The following KIAA1217 variants were observed in gnomAD, a reference collection of about 807,000 sequenced individuals.
KIAA1217 encodes sickle tail protein homolog.
KIAA1217 carries 88 observed loss-of-function variants against 163.9 expected under a neutral mutation model. The ratio of observed to expected loss-of-function variants is 0.54; its 90% CI spans 0.45 to 0.64. The LOEUF is 0.64. Among genes scored for constraint, KIAA1217 ranks in the 30% least tolerant of loss-of-function variants. The pLI is 0.00. For missense variants in KIAA1217, 2,372 were observed against 2,475.0 expected (o/e 0.96, Z 0.88); for synonymous variants, 903 against 923.1 (o/e 0.98, Z 0.39).
At chr10:23,730,281 A>G (rs929983407) in intron 1 of KIAA1217, among the ~76,000 whole-genome samples, 1 of 152,118 alleles carries the variant, frequency 6.6e-6, no homozygotes, top group South Asian at 2.1e-4. Context: ...CAGTTGTTTC[A>G]GCACCATTTG....
intron 8 of KIAA1217, among the ~76,000 whole-genome samples, chr10:24,495,927 G>A (rs1438945660): frequency 6.6e-6 from 1 of 152,206 alleles, no homozygotes; most frequent in Admixed American, 6.5e-5. Flanking sequence ...GTTAGTAGTG[G>A]CGTTCACTAG....
At chr10:24,142,759 A>G (rs1214385243) in intron 2 of KIAA1217, among the ~76,000 whole-genome samples, 1 of 152,220 alleles carries the variant, frequency 6.6e-6, no homozygotes, top group African/African-American at 2.4e-5. Flanking sequence ...CCTTGGAGTC[A>G]TGTGACCAAG....
intron 20 of KIAA1217, 177 bp from the exon 21 acceptor site, chr10:24,545,650 A>G (rs2075659649): frequency 1.4e-6 from 2 of 1,423,282 alleles, no homozygotes; most frequent in Non-Finnish European, 1.8e-6. Context: ...TGCTATGTAC[A>G]TGGGGGGTTT....
intron 3 of KIAA1217, among the ~76,000 whole-genome samples, chr10:24,416,746 T>A (rs2058285298): frequency 6.6e-6 from 1 of 152,028 alleles, no homozygotes; most frequent in Non-Finnish European, 1.5e-5. Context: ...CTCCTCTTCA[T>A]CCTCCCTCCA....
intron 1 of KIAA1217, among the ~76,000 whole-genome samples, chr10:23,972,330 C>T (rs1195356002): frequency 6.6e-6 from 1 of 152,156 alleles, no homozygotes; most frequent in Admixed American, 6.5e-5. Flanking sequence ...TATTGCAGCA[C>T]TATTTACAAT....
At chr10:24,331,800 TTTTA>T (rs1479167307) in intron 2 of KIAA1217, among the ~76,000 whole-genome samples, 1 of 151,990 alleles carries the variant, frequency 6.6e-6, no homozygotes, top group Non-Finnish European at 1.5e-5. Context: ...AGGGAGTTGG[TTTTA>T]TTTATTTATT....
chr10:23,705,820 G>T (rs1461492244), intron 1 of KIAA1217, among the ~76,000 whole-genome samples: 1 of 152,134 alleles, frequency 6.6e-6, no homozygotes, highest in Non-Finnish European at 1.5e-5. Flanking sequence ...GTTGTGGTAG[G>T]AATGGTGTTT....
chr10:24,253,349 A>C (rs536682718), intron 2 of KIAA1217, among the ~76,000 whole-genome samples: 2 of 152,320 alleles, frequency 1.3e-5, no homozygotes, highest in Admixed American at 6.5e-5. Flanking sequence ...TGGCTGTCTC[A>C]GAGAAGCACT....
chr10:24,337,215 T>C (rs1053987435), intron 2 of KIAA1217, among the ~76,000 whole-genome samples: 6 of 152,222 alleles, frequency 3.9e-5, no homozygotes, highest in African/African-American at 1.4e-4. Flanking sequence ...AATTCAACTG[T>C]AACAAGTTTT....
intron 2 of KIAA1217, among the ~76,000 whole-genome samples, chr10:24,339,343 A>T (rs1037981217): frequency 4.6e-5 from 7 of 152,246 alleles, no homozygotes; most frequent in African/African-American, 1.4e-4. Context: ...ATAGATCTTC[A>T]TTAATAGTTC....
At chr10:23,952,942 A>G (rs1844405041) in intron 1 of KIAA1217, among the ~76,000 whole-genome samples, 1 of 152,186 alleles carries the variant, frequency 6.6e-6, no homozygotes, top group African/African-American at 2.4e-5. Context: ...TAACACTTGG[A>G]CTGCATTCAT....
rs867359331 is a variant in KIAA1217, at chr10:24,222,745, G to A, written c.354+2836G>A. ...GGCTGGTCTCGAACTCCTGACCTCA[G>A]GCGATCCACCTACCTCGGCCTCCCA... On this transcript the variant is annotated intron_variant, in intron 2 of 20. Transcript: ENST00000376454. Among the ~76,000 whole-genome samples, 9 of 152,190 alleles carry A rather than the reference G, an allele frequency of 5.9e-5. 1 individual carries two copies. Among genetic ancestry groups the A allele is most frequent in the Middle Eastern group, 3.4e-3 (1 of 294 alleles).
intron 1 of KIAA1217, among the ~76,000 whole-genome samples, chr10:23,888,587 G>A (rs945354578): frequency 6.6e-6 from 1 of 151,646 alleles, no homozygotes; most frequent in African/African-American, 2.4e-5. Flanking sequence ...ATGAGATTGA[G>A]GAGACTGCTT....
intron 3 of KIAA1217, among the ~76,000 whole-genome samples, chr10:24,387,941 G>T (rs1438782497): frequency 1.3e-5 from 2 of 152,140 alleles, no homozygotes; most frequent in African/African-American, 2.4e-5. Flanking sequence ...CATGCTCATG[G>T]ATAGGAAGAG....
intron 3 of KIAA1217, among the ~76,000 whole-genome samples, chr10:24,408,627 A>T (rs2057455593): frequency 6.6e-6 from 1 of 152,076 alleles, no homozygotes; most frequent in African/African-American, 2.4e-5. Flanking sequence ...TTCTTTAATA[A>T]CCTAGTTTAT....
At chr10:24,476,960 C>T (rs2064120700) in intron 6 of KIAA1217, among the ~76,000 whole-genome samples, 1 of 152,128 alleles carries the variant, frequency 6.6e-6, no homozygotes, top group Non-Finnish European at 1.5e-5. Context: ...ACACTCCCCG[C>T]TAACTCCCCT....
At chr10:24,025,252 A>T (rs1295820454) in intron 2 of KIAA1217, among the ~76,000 whole-genome samples, 2 of 151,736 alleles carry the variant, frequency 1.3e-5, no homozygotes, top group Non-Finnish European at 3.0e-5. Flanking sequence ...CAACTATTCT[A>T]GTGTGATTTA....
intron 2 of KIAA1217, among the ~76,000 whole-genome samples, chr10:24,094,506 T>G (rs1483523717): frequency 6.6e-6 from 1 of 152,226 alleles, no homozygotes; most frequent in Admixed American, 6.5e-5. Flanking sequence ...CTCCAGACCC[T>G]GTTTGCCTGG....
At chr10:24,240,295 G>A (rs551703591) in intron 2 of KIAA1217, among the ~76,000 whole-genome samples, 9 of 152,300 alleles carry the variant, frequency 5.9e-5, no homozygotes, top group Admixed American at 2.0e-4. Flanking sequence ...GCATGGCAGC[G>A]TGTGAGGTTA....
Sources: allele counts gnomAD v4.1 joint callset (sites outside exome capture counted in the v4.1 genomes callset), GRCh38; gene constraint gnomAD v4.1.1; transcripts MANE v1.5; gene names NCBI Gene and HGNC (gene_info 2026-07-23, HGNC 2026-07-21).